The following STT3B variants were observed in gnomAD, a reference collection of about 807,000 sequenced individuals.
The protein encoded by STT3B is STT3 oligosaccharyltransferase complex catalytic subunit B, also known as dolichyl-diphosphooligosaccharide--protein glycosyltransferase subunit STT3B.
Under a neutral mutation model 96.8 loss-of-function variants are expected in STT3B, and 29 were observed. The observed-to-expected ratio is 0.30, with a 90% CI of 0.22 to 0.41. The LOEUF is 0.41. STT3B is among the 10% of genes least tolerant of loss of function. STT3B has a pLI of 1.00. For synonymous variants in STT3B, 367 were observed against 360.0 expected, an observed-to-expected ratio of 1.02 and a Z score of -0.22; for missense variants, 640 against 1,022.3, an observed-to-expected ratio of 0.63 and a Z score of 5.10.
intron 1 of STT3B, among the ~76,000 whole-genome samples, chr3:31,551,940 G>A (rs181163000): frequency 7.9e-5 from 12 of 152,234 alleles, no homozygotes; most frequent in Admixed American, 6.5e-4. Flanking sequence ...AGAAACCAGG[G>A]CCCCTCAGTC....
At chr3:31,585,530 A>G (rs1698517510) in intron 3 of STT3B, among the ~76,000 whole-genome samples, 1 of 152,044 alleles carries the variant, frequency 6.6e-6, no homozygotes, top group African/African-American at 2.4e-5. Context: ...TACAAGGAGC[A>G]GTGTTTATCA....
chr3:31,581,387 CTT>C (rs1559374057), intron 3 of STT3B, among the ~76,000 whole-genome samples: 1 of 152,046 alleles, frequency 6.6e-6, no homozygotes, highest in African/African-American at 2.4e-5. Context: ...ATTCTCTACA[CTT>C]GTGTATGTTT....
At chr3:31,558,863 GTTT>G (rs200229146) in intron 1 of STT3B, among the ~76,000 whole-genome samples, 1 of 144,024 alleles carries the variant, frequency 6.9e-6, no homozygotes, top group East Asian at 2.0e-4. Context: ...GTCTGTTCAG[GTTT>G]TTTTTTTTTT....
At chr3:31,623,901 C>T (rs772525765) in intron 11 of STT3B, 40 bp downstream of exon 11, 3 of 1,456,904 alleles carry the variant, frequency 2.1e-6, no homozygotes, top group African/African-American at 1.4e-5. Flanking sequence ...TTTATACTTA[C>T]ACTTCTTTTT....
chr3:31,560,537 T>C (rs888608215), intron 1 of STT3B, among the ~76,000 whole-genome samples: 1 of 152,080 alleles, frequency 6.6e-6, no homozygotes, highest in African/African-American at 2.4e-5. Context: ...ATAGTATCAT[T>C]AGCAATTTTT....
At chr3:31,625,490 G>A (rs1260059558) in intron 12 of STT3B, among the ~76,000 whole-genome samples, 2 of 152,176 alleles carry the variant, frequency 1.3e-5, no homozygotes, top group Non-Finnish European at 2.9e-5. Context: ...ATAGATTAAT[G>A]TAATCCCCTC....
chr3:31,539,126 G>A (rs1253099926), intron 1 of STT3B, among the ~76,000 whole-genome samples: 3 of 152,006 alleles, frequency 2.0e-5, no homozygotes, highest in Non-Finnish European at 4.4e-5. Flanking sequence ...AGTTTCAGAT[G>A]AAAAACATCT....
rs371823919 is a variant in STT3B at position 31,551,408 on chromosome 3, G to A, written c.314+18096G>A. ...TTTTGAAAAATTTCTGGTAGAGACA[G>A]GTTTTGCCATGTTGCCCAGGCTGGT... is the stretch of plus-strand genomic sequence containing the variant. On this transcript the variant is annotated intron_variant, in intron 1 of 15. Transcript: ENST00000295770. Among the ~76,000 whole-genome samples the A allele has an allele frequency of 2.1e-4, 32 of 152,056 alleles. No homozygotes were observed. In the East Asian group the frequency reaches 2.5e-3, roughly 12 times the overall value.
At chr3:31,579,760 TTG>T in intron 2 of STT3B, 47 bp from the exon 3 acceptor site, 2 of 1,414,068 alleles carry the variant, frequency 1.4e-6, no homozygotes, top group Non-Finnish European at 9.7e-7. Flanking sequence ...ATTAATATTT[TTG>T]TGTCTCATTT....
intron 13 of STT3B, among the ~76,000 whole-genome samples, chr3:31,626,596 A>G (rs765314386): frequency 3.9e-5 from 6 of 152,248 alleles, no homozygotes; most frequent in South Asian, 2.1e-4. Flanking sequence ...CCATATAGAC[A>G]TGAGTTAAAA....
intron 1 of STT3B, among the ~76,000 whole-genome samples, chr3:31,574,507 T>C (rs1698223084): frequency 6.6e-6 from 1 of 152,156 alleles, no homozygotes. Context: ...AGACAGCCTT[T>C]CCATAATCCT....
intron 10 of STT3B, 28 bp downstream of exon 10, chr3:31,622,336 A>G: frequency 6.4e-7 from 1 of 1,567,520 alleles, no homozygotes; most frequent in South Asian, 1.1e-5. Context: ...AGGCCTTTAA[A>G]TTGTCTATGT....
At chr3:31,619,924 T>G in intron 9 of STT3B, 94 bp downstream of exon 9, 1 of 1,511,266 alleles carries the variant, frequency 6.6e-7, no homozygotes, top group Non-Finnish European at 8.8e-7. Context: ...TATGTTTGAC[T>G]CTATATATTC....
chr3:31,617,160 C>T, intron 7 of STT3B, 85 bp downstream of exon 7: 1 of 1,051,604 alleles, frequency 9.5e-7, no homozygotes, highest in Non-Finnish European at 1.3e-6. Context: ...ATCTGAATAA[C>T]AGCATGACTA....
chr3:31,576,340 A>G, intron 1 of STT3B, 56 bp from the exon 2 acceptor site: 1 of 953,150 alleles, frequency 1.0e-6, no homozygotes, highest in Non-Finnish European at 1.6e-6. Context: ...AATATAAAGA[A>G]GGAGCTATTT....
At chr3:31,594,371 A>G (rs933244057) in intron 3 of STT3B, among the ~76,000 whole-genome samples, 1 of 151,916 alleles carries the variant, frequency 6.6e-6, no homozygotes, top group African/African-American at 2.4e-5. Flanking sequence ...CACCAGTTGA[A>G]AGTCTGGGCC....
chr3:31,548,228 G>A (rs1697462710), intron 1 of STT3B, among the ~76,000 whole-genome samples: 1 of 152,066 alleles, frequency 6.6e-6, no homozygotes, highest in African/African-American at 2.4e-5. Context: ...CTATAATAAT[G>A]CTGATATAAT....
At chr3:31,561,578 A>G (rs1189337614) in intron 1 of STT3B, among the ~76,000 whole-genome samples, 3 of 151,872 alleles carry the variant, frequency 2.0e-5, no homozygotes, top group Admixed American at 6.6e-5. Context: ...CAAACCCCCA[A>G]CTACTCTTCC....
chr3:31,632,675 T>G (rs1218263238), intron 14 of STT3B, among the ~76,000 whole-genome samples: 1 of 151,528 alleles, frequency 6.6e-6, no homozygotes, highest in African/African-American at 2.4e-5. Flanking sequence ...GTGGGTTTTT[T>G]TTTTTTTTTT....
Sources: gnomAD v4.1 joint callset for allele counts (sites outside exome capture counted in the v4.1 genomes callset) on GRCh38, gnomAD v4.1.1 for gene constraint, MANE v1.5 for transcripts, NCBI Gene and HGNC (gene_info 2026-07-23, HGNC 2026-07-21) for gene names.